Variants in SPATA17 observed in about 807,000 individuals in gnomAD.
The protein encoded by SPATA17 is spermatogenesis-associated protein 17.
A neutral mutation model predicts 62.2 loss-of-function variants in SPATA17; 53 were observed. The observed-to-expected ratio is 0.85, with a 90% CI of 0.68 to 1.07. The LOEUF is 1.07. SPATA17 is among the 50% of genes least tolerant of loss of function. SPATA17 has a pLI of 0.00. For missense variants in SPATA17, 466 were observed against 425.5 expected (o/e 1.10, Z -0.84); for synonymous variants, 146 against 146.8 (o/e 0.99, Z 0.04).
chr1:217,648,921 A>G lies in SPATA17; in HGVS notation c.108A>G (p.Ala36=), dbSNP rs1343953573. Residue 36 remains alanine (A), a synonymous_variant, in exon 2 of 11, where the codon GCA becomes GCG. Coordinates refer to ENST00000366933, the MANE Select transcript of SPATA17 (RefSeq NM_138796.4). ...DPFRKKENDA[A]VKIQSWFRGC... ...TTAGAAAAAAGGAGAATGATGCAGCAGTTAAAATCCAAAGCTGGTTTCGAG... is the reference window on the plus strand; with the variant it reads ...TTAGAAAAAAGGAGAATGATGCAGCGGTTAAAATCCAAAGCTGGTTTCGAG... 6.2e-6 allele frequency: 10 copies of G among 1,610,576 alleles called. No individual in the cohort carries two copies. The highest frequency in any genetic ancestry group is 2.2e-5 in the East Asian group (1 of 44,664).
intron 1 of SPATA17, among the ~76,000 whole-genome samples, chr1:217,632,358 A>G (rs945342405): frequency 2.0e-5 from 3 of 152,182 alleles, no homozygotes; most frequent in Non-Finnish European, 4.4e-5. Context: ...TTCATTTTAA[A>G]GAAGCATTGC....
chr1:217,774,353 C>T lies in SPATA17; in HGVS notation c.539C>T (p.Ser180Leu), dbSNP rs1270609415. ...CTTTAGATTCCAGGAATATACAATT[C>T]ACCCTTCAGAAAAGAGCCTGATCCA... ...STKQIPGIYNSPFRKEPDPWE... is the reference protein window; with the variant it reads ...STKQIPGIYNLPFRKEPDPWE... The change falls in exon 7 of 11, where the codon TCA becomes TTA. Residue 180 changes from serine to leucine, a missense_variant. Ser to Leu is a moderately radical substitution (Grantham distance 145). Coordinates refer to ENST00000366933, the MANE Select transcript of SPATA17 (RefSeq NM_138796.4). 3.7e-6 allele frequency: 6 copies of T among 1,613,696 alleles called. No homozygotes were observed. Among genetic ancestry groups the T allele is most frequent in the African/African-American group, 1.3e-5 (1 of 75,006 alleles).
At chr1:217,729,803 C>G (rs1245368023) in intron 5 of SPATA17, among the ~76,000 whole-genome samples, 1 of 152,108 alleles carries the variant, frequency 6.6e-6, no homozygotes. Flanking sequence ...TGATCACAGT[C>G]TTTTCACATG....
chr1:217,758,591 A>G (rs890528341), intron 6 of SPATA17, among the ~76,000 whole-genome samples: 3 of 152,220 alleles, frequency 2.0e-5, no homozygotes, highest in African/African-American at 7.2e-5. Flanking sequence ...GCTCATAACC[A>G]CTAAGCTCTC....
chr1:217,716,391 C>T (rs1413722271), intron 5 of SPATA17, among the ~76,000 whole-genome samples: 1 of 152,118 alleles, frequency 6.6e-6, no homozygotes, highest in Non-Finnish European at 1.5e-5. Flanking sequence ...TTTGTATTTG[C>T]CCTCCTTTTG....
chr1:217,742,921 A>C (rs887729760), intron 6 of SPATA17, among the ~76,000 whole-genome samples: 3 of 150,866 alleles, frequency 2.0e-5, no homozygotes, highest in Non-Finnish European at 4.4e-5. Flanking sequence ...CCAAGACCAA[A>C]TGTCATCCTT....
intron 3 of SPATA17, among the ~76,000 whole-genome samples, chr1:217,660,998 G>A (rs1670556060): frequency 6.6e-6 from 1 of 152,080 alleles, no homozygotes; most frequent in Non-Finnish European, 1.5e-5. Flanking sequence ...GTAAGGCGAT[G>A]GTGCAAACTC....
intron 1 of SPATA17, among the ~76,000 whole-genome samples, chr1:217,638,314 TAA>T (rs35543961): frequency 0.33 from 50,066 of 151,788 alleles, 8,697 homozygotes; most frequent in Non-Finnish European, 0.39. Context: ...ATGAAAGAAA[TAA>T]GTGTTTTAAT....
chr1:217,813,069 C>G (rs892344559), intron 9 of SPATA17, among the ~76,000 whole-genome samples: 1 of 152,208 alleles, frequency 6.6e-6, no homozygotes, highest in Admixed American at 6.6e-5. Flanking sequence ...ATATCCAGTA[C>G]TCTAAAGAAT....
At chr1:217,847,055 G>T (rs1675545903) in intron 9 of SPATA17, among the ~76,000 whole-genome samples, 1 of 151,862 alleles carries the variant, frequency 6.6e-6, no homozygotes, top group South Asian at 2.1e-4. Context: ...CTTTATTCAA[G>T]AAATTATTTT....
intron 5 of SPATA17, among the ~76,000 whole-genome samples, chr1:217,726,092 T>G (rs1344853170): frequency 6.6e-6 from 1 of 152,218 alleles, no homozygotes; most frequent in Non-Finnish European, 1.5e-5. Context: ...CTAAAAATTC[T>G]TGTACTCTGC....
At chr1:217,748,815 A>G (rs558833351) in intron 6 of SPATA17, among the ~76,000 whole-genome samples, 1 of 152,066 alleles carries the variant, frequency 6.6e-6, no homozygotes, top group African/African-American at 2.4e-5. Flanking sequence ...TTTAAGTATC[A>G]TAAGTGGAGA....
At chr1:217,756,367 G>A (rs1242692892) in intron 6 of SPATA17, among the ~76,000 whole-genome samples, 2 of 151,512 alleles carry the variant, frequency 1.3e-5, no homozygotes, top group Non-Finnish European at 2.9e-5. Context: ...AAAAGGCAAA[G>A]GGGAAAGCTA....
intron 9 of SPATA17, among the ~76,000 whole-genome samples, chr1:217,838,593 A>G (rs943523373): frequency 1.3e-5 from 2 of 152,100 alleles, no homozygotes; most frequent in African/African-American, 4.8e-5. Flanking sequence ...TGAAATTGTT[A>G]TAGATATATA....
At chr1:217,649,546 A>G (rs976583649) in intron 2 of SPATA17, among the ~76,000 whole-genome samples, 2 of 152,164 alleles carry the variant, frequency 1.3e-5, no homozygotes, top group African/African-American at 4.8e-5. Flanking sequence ...CAAATTCCAA[A>G]GGATCTACAA....
At chr1:217,783,178 ATATG>A (rs1403788367) in intron 8 of SPATA17, among the ~76,000 whole-genome samples, 1 of 150,580 alleles carries the variant, frequency 6.6e-6, no homozygotes, top group African/African-American at 2.4e-5. Context: ...ATAATAATTT[ATATG>A]ATAATTATAA....
chr1:217,665,182 G>T (rs1670667685), intron 3 of SPATA17: 1 of 152,046 alleles, frequency 6.6e-6, no homozygotes, highest in Non-Finnish European at 1.5e-5. Context: ...CCTAAATATG[G>T]GATATACTCT....
chr1:217,766,251 T>G (rs1673297111), intron 6 of SPATA17, among the ~76,000 whole-genome samples: 1 of 152,072 alleles, frequency 6.6e-6, no homozygotes, highest in Non-Finnish European at 1.5e-5. Flanking sequence ...TCTTTGCTTC[T>G]TATTTTGTCT....
At chr1:217,818,828 C>T (rs1166426450) in intron 9 of SPATA17, among the ~76,000 whole-genome samples, 3 of 147,314 alleles carry the variant, frequency 2.0e-5, no homozygotes, top group Admixed American at 6.8e-5. Flanking sequence ...CTTTCTTTGC[C>T]TATCTTCCAC....
Sources: gnomAD v4.1 joint callset for allele counts (sites outside exome capture counted in the v4.1 genomes callset) on GRCh38, gnomAD v4.1.1 for gene constraint, MANE v1.5 for transcripts, NCBI Gene and HGNC (gene_info 2026-07-23, HGNC 2026-07-21) for gene names.